Variants in ELMO1 observed in about 807,000 individuals in gnomAD.
ELMO1 encodes the protein engulfment and cell motility 1, also known as engulfment and cell motility protein 1.
Under a neutral mutation model 98.9 loss-of-function variants are expected in ELMO1, and 26 were observed. That is an observed-to-expected ratio of 0.26 (90% confidence interval 0.19 to 0.36). The LOEUF (loss-of-function observed/expected upper bound fraction) is 0.36. ELMO1 is among the 10% of genes least tolerant of loss of function. ELMO1 has a pLI of 1.00. For missense variants in ELMO1, 627 were observed against 935.2 expected (o/e 0.67, Z 4.30); for synonymous variants, 346 against 346.0 (o/e 1.00, Z 0.00).
At chr7:36,969,268 A>G (rs1789710984) in intron 16 of ELMO1, among the ~76,000 whole-genome samples, 1 of 152,140 alleles carries the variant, frequency 6.6e-6, no homozygotes, top group South Asian at 2.1e-4. Context: ...TGTACCTATT[A>G]GTTGACACAT....
chr7:37,385,797 G>A (rs1340908537), intron 1 of ELMO1, among the ~76,000 whole-genome samples: 3 of 152,206 alleles, frequency 2.0e-5, no homozygotes, highest in African/African-American at 4.8e-5. Context: ...AATACGAAGG[G>A]GCGGCCAATC....
At chr7:37,042,366 G>T (rs1795568923) in intron 15 of ELMO1, among the ~76,000 whole-genome samples, 1 of 152,126 alleles carries the variant, frequency 6.6e-6, no homozygotes, top group African/African-American at 2.4e-5. Context: ...TTGTAGTGAT[G>T]AATTAAATAT....
intron 14 of ELMO1, 121 bp from the exon 15 acceptor site, chr7:37,096,848 T>C: frequency 1.1e-6 from 1 of 912,442 alleles, no homozygotes; most frequent in Non-Finnish European, 1.7e-6. Flanking sequence ...CGAAGACTCT[T>C]GGGGCCAGGA....
At chr7:36,861,075 A>C (rs1387491004) in intron 21 of ELMO1, among the ~76,000 whole-genome samples, 5 of 152,264 alleles carry the variant, frequency 3.3e-5, no homozygotes, top group African/African-American at 4.8e-5. Context: ...TAAATCAGCC[A>C]TAACTGCTAC....
intron 15 of ELMO1, chr7:37,033,208 T>C (rs1794975551): frequency 2.9e-6 from 1 of 345,562 alleles, no homozygotes; most frequent in African/African-American, 2.1e-5. Flanking sequence ...CTGGGTGGGT[T>C]TATGGTACCC....
chr7:37,152,610 C>T (rs902684816), intron 13 of ELMO1, among the ~76,000 whole-genome samples: 3 of 152,020 alleles, frequency 2.0e-5, no homozygotes, highest in Admixed American at 1.3e-4. Flanking sequence ...TACACACGAT[C>T]GTAAAAGCAT....
intron 1 of ELMO1, among the ~76,000 whole-genome samples, chr7:37,401,450 A>G (rs1803523321): frequency 6.6e-6 from 1 of 152,212 alleles, no homozygotes; most frequent in African/African-American, 2.4e-5. Flanking sequence ...TAAGAGCCTC[A>G]GGAGACAGTG....
At chr7:37,293,094 G>T (rs1393997273) in intron 4 of ELMO1, among the ~76,000 whole-genome samples, 4 of 6,078 alleles carry the variant, frequency 6.6e-4, no homozygotes, top group African/African-American at 5.8e-4. Flanking sequence ...GAGGGAGGTG[G>T]GGGGGGGTCA....
intron 13 of ELMO1, among the ~76,000 whole-genome samples, chr7:37,154,670 A>C (rs1454159906): frequency 6.6e-6 from 1 of 152,228 alleles, no homozygotes; most frequent in African/African-American, 2.4e-5. Flanking sequence ...TATGTGAAAG[A>C]CCAAATCTAC....
chr7:37,256,551 A>AAAGGAAGG (rs71873823), intron 6 of ELMO1, among the ~76,000 whole-genome samples: 2 of 115,038 alleles, frequency 1.7e-5, no homozygotes, highest in Admixed American at 9.3e-5. Context: ...AAGAAGGAAG[A>AAAGGAAGG]AAGGAAGGAA....
chr7:37,122,546 T>A (rs542711186), intron 14 of ELMO1, among the ~76,000 whole-genome samples: 2 of 152,242 alleles, frequency 1.3e-5, no homozygotes, highest in African/African-American at 2.4e-5. Flanking sequence ...AAGAAGGCCA[T>A]TACACAATGG....
chr7:37,284,433 A>T (rs1367171446), intron 4 of ELMO1, among the ~76,000 whole-genome samples: 1 of 152,088 alleles, frequency 6.6e-6, no homozygotes, highest in Non-Finnish European at 1.5e-5. Flanking sequence ...GTGAGGGAGG[A>T]CTTCAGCAAC....
chr7:37,345,764 CAGATCACAAGGTCAGG>C (rs1354605763), intron 1 of ELMO1, among the ~76,000 whole-genome samples: 1 of 151,386 alleles, frequency 6.6e-6, no homozygotes, highest in Non-Finnish European at 1.5e-5. Context: ...CCGAGGCAGG[CAGATCACAAGGTCAGG>C]AGATCGAGAC....
chr7:37,273,335 G>A (rs1024858459), intron 4 of ELMO1, among the ~76,000 whole-genome samples: 4 of 152,118 alleles, frequency 2.6e-5, no homozygotes, highest in Admixed American at 1.3e-4. Context: ...TGCCATTCTC[G>A]TGAGAGTGAG....
Position 37,403,466 on chromosome 7 carries a change from G to A in ELMO1, c.-74+45209C>T, listed in dbSNP as rs530075760. ...TAGGGGGGTGCATAGGTGAAGCATCGTGGATTTTTAAGGCAGTGAAATTAT... is the reference window on the plus strand; with the variant it reads ...TAGGGGGGTGCATAGGTGAAGCATCATGGATTTTTAAGGCAGTGAAATTAT... On this transcript the variant is annotated intron_variant, in intron 1 of 21. Coordinates refer to ENST00000310758, the MANE Select transcript of ELMO1 (RefSeq NM_014800.11). Among the ~76,000 whole-genome samples, 13 of 152,184 alleles carry A rather than the reference G, an allele frequency of 8.5e-5. No individual in the cohort carries two copies. In the South Asian group the frequency reaches 1.0e-3, roughly 12 times the overall value.
intron 13 of ELMO1, among the ~76,000 whole-genome samples, chr7:37,146,093 A>G (rs936847186): frequency 6.6e-6 from 1 of 152,204 alleles, no homozygotes; most frequent in South Asian, 2.1e-4. Context: ...AATCAGTTCA[A>G]TGAGAAGCTC....
chr7:37,312,516 T>A (rs1467587741), intron 4 of ELMO1, among the ~76,000 whole-genome samples: 1 of 152,202 alleles, frequency 6.6e-6, no homozygotes, highest in African/African-American at 2.4e-5. Context: ...GTATCCAGCA[T>A]GAGACTGCCC....
At position 37,020,078 on chromosome 7, in the gene ELMO1, A is replaced by G. The variant is rs118121807; in HGVS notation, c.1301-6643T>C. Among the ~76,000 whole-genome samples, 19 of 152,342 alleles carry G rather than the reference A, an allele frequency of 1.2e-4. No homozygotes were observed. In the East Asian group the frequency reaches 3.7e-3, roughly 29 times the overall value. On this transcript the variant is annotated intron_variant, in intron 15 of 21. Transcript: ENST00000310758. ...AAGGGTTACTGCACTGTAGCAAACA[A>G]GCAATGAAAAATGAGCGTAGGGAAT...
intron 14 of ELMO1, among the ~76,000 whole-genome samples, chr7:37,132,171 T>C (rs75444845): frequency 0.026 from 3,923 of 152,290 alleles, 159 homozygotes; most frequent in African/African-American, 0.09. Context: ...TAGATGATGA[T>C]AGTGCCAGGC....
Sources: allele counts gnomAD v4.1 joint callset (sites outside exome capture counted in the v4.1 genomes callset), GRCh38; gene constraint gnomAD v4.1.1; transcripts MANE v1.5; gene names NCBI Gene and HGNC (gene_info 2026-07-23, HGNC 2026-07-21).